Variants in ACLY observed in about 807,000 individuals in gnomAD.
ACLY encodes the protein ATP-citrate synthase.
A neutral mutation model predicts 133.0 loss-of-function variants in ACLY; 41 were observed. The observed-to-expected ratio is 0.31, with a 90% CI of 0.24 to 0.40. ACLY has a LOEUF of 0.40. Among genes scored for constraint, ACLY ranks in the 10% least tolerant of loss-of-function variants. ACLY has a pLI of 1.00. For missense variants in ACLY, 1,046 were observed against 1,453.8 expected, an observed-to-expected ratio of 0.72 and a Z score of 4.56; for synonymous variants, 495 against 549.3, an observed-to-expected ratio of 0.90 and a Z score of 1.38.
chr17:41,923,334 A>T (rs1273845967), upstream of ACLY, among the ~76,000 whole-genome samples: 2 of 152,228 alleles, frequency 1.3e-5, no homozygotes, highest in Non-Finnish European at 2.9e-5. Flanking sequence ...TGGGTTCCAG[A>T]AGCCTAAAAC....
rs781903389 is a variant in ACLY, at chr17:41,872,016, T to G, written c.2793+16A>C. The stretch of plus-strand genomic sequence containing the variant: ...CAGTGTCCCCACTGTTCACCTCCCA[T>G]GATGACAGTACTTACGATGGTGAGC... On this transcript the variant is annotated intron_variant, in intron 24 of 28. Coordinates refer to ENST00000352035, the MANE Select transcript of ACLY (RefSeq NM_001096.3). The G allele has an allele frequency of 6.2e-7, 1 of 1,613,714 alleles. No individual in the cohort carries two copies. Among genetic ancestry groups the G allele is most frequent in the South Asian group, 1.1e-5 (1 of 91,048 alleles).
chr17:41,897,233 C>T (rs373538886), intron 13 of ACLY, among the ~76,000 whole-genome samples: 2 of 151,996 alleles, frequency 1.3e-5, no homozygotes, highest in African/African-American at 2.4e-5. Flanking sequence ...CACATCTACA[C>T]GGAGAGAAAA....
At chr17:41,921,651 G>C (rs1467637877), upstream of ACLY, among the ~76,000 whole-genome samples, 1 of 151,898 alleles carries the variant, frequency 6.6e-6, no homozygotes, top group Non-Finnish European at 1.5e-5. Flanking sequence ...AATACAGTGA[G>C]TCTATGTCAC....
chr17:41,872,331 T>A, intron 23 of ACLY, 149 bp from the exon 24 acceptor site: 1 of 736,878 alleles, frequency 1.4e-6, no homozygotes, highest in Non-Finnish European at 2.2e-6. Flanking sequence ...CAAAACCTCC[T>A]GATTCTTTTC....
chr17:41,901,456 A>G (rs1435691531), intron 11 of ACLY, among the ~76,000 whole-genome samples: 2 of 152,156 alleles, frequency 1.3e-5, no homozygotes, highest in Non-Finnish European at 2.9e-5. Flanking sequence ...CCCAGCACAG[A>G]GCGAGTGATC....
intron 17 of ACLY, 98 bp from the exon 18 acceptor site, chr17:41,886,406 C>T: frequency 8.8e-6 from 11 of 1,245,958 alleles, no homozygotes; most frequent in Non-Finnish European, 1.2e-5. Context: ...CCCTTCTGGC[C>T]AGGCTGGGGA....
chr17:41,915,729 C>T (rs559763652), intron 1 of ACLY, among the ~76,000 whole-genome samples: 1 of 152,238 alleles, frequency 6.6e-6, no homozygotes, highest in Admixed American at 6.5e-5. Context: ...CCACCCCCCA[C>T]CCACTGCTCC....
At chr17:41,888,229 A>C (rs2049106398) in intron 16 of ACLY, among the ~76,000 whole-genome samples, 1 of 152,188 alleles carries the variant, frequency 6.6e-6, no homozygotes, top group African/African-American at 2.4e-5. Context: ...CTGAAAACAC[A>C]AGTGGTGGAT....
rs2049262659 is a variant in ACLY at position 41,893,145 on chromosome 17, T to C, written c.1489A>G (p.Thr497Ala). ...GKSTTLFSRH[T>A]KAIVWGMQTR... ...TGCATGCCCCACACAATGGCCTTGGTGTGGCGGCTGAAGAGGGTGGTGCTC... is the reference window on the plus strand; with the variant it reads ...TGCATGCCCCACACAATGGCCTTGGCGTGGCGGCTGAAGAGGGTGGTGCTC... Residue 497 changes from threonine to alanine, a missense_variant, in exon 15 of 29, where the codon ACC becomes GCC. Thr to Ala is a moderately conservative substitution (Grantham distance 58). Transcript: ENST00000352035. 6.2e-7 allele frequency: 1 copy of C among 1,613,628 alleles called. No individual in the cohort carries two copies.
chr17:41,916,844 A>G (rs1320151646), intron 1 of ACLY, among the ~76,000 whole-genome samples: 1 of 152,046 alleles, frequency 6.6e-6, no homozygotes, highest in Non-Finnish European at 1.5e-5. Flanking sequence ...CAGACTGACC[A>G]CCAGTTAAGA....
chr17:41,921,295 C>T (rs1324280220), upstream of ACLY, among the ~76,000 whole-genome samples: 1 of 151,722 alleles, frequency 6.6e-6, no homozygotes, highest in Non-Finnish European at 1.5e-5. Context: ...GAGACTCCGT[C>T]TCAAAACAAA....
chr17:41,881,716 C>A (rs1454391089), intron 20 of ACLY, among the ~76,000 whole-genome samples: 1 of 152,130 alleles, frequency 6.6e-6, no homozygotes, highest in Non-Finnish European at 1.5e-5. Context: ...CCTGCCTCAG[C>A]CTCCCGAGTA....
Position 41,886,195 on chromosome 17 carries a change from G to T in ACLY, c.1989C>A (p.Ser663=). The T allele has an allele frequency of 6.2e-7, 1 of 1,614,164 alleles. No homozygotes were observed. Among genetic ancestry groups the T allele is most frequent in the Non-Finnish European group, 8.5e-7 (1 of 1,180,030 alleles). The change falls in exon 18 of 29, where the codon TCC becomes TCA. Residue 663 remains serine, a synonymous_variant. Transcript: ENST00000352035. ...RPGSVAYVSR[S]GGMSNELNNI... Reference sequence around the variant, plus strand: ...TGTTGAGCTCGTTGGACATGCCTCCGGAACGTGAGACATAGGCCACGCTGC... The same window carrying T: ...TGTTGAGCTCGTTGGACATGCCTCCTGAACGTGAGACATAGGCCACGCTGC...
At chr17:41,919,151 C>CA, upstream of ACLY, 2 of 1,043,204 alleles carry the variant, frequency 1.9e-6, no homozygotes, top group Non-Finnish European at 2.4e-6. Context: ...CTTGTAGTCC[C>CA]GCTGGCCCAT....
chr17:41,872,275 AG>A, intron 23 of ACLY, 93 bp from the exon 24 acceptor site: 1 of 1,298,136 alleles, frequency 7.7e-7, no homozygotes, highest in South Asian at 1.3e-5. Context: ...AAATCCAAGA[AG>A]GGTAACTACC....
At chr17:41,906,363 A>C (rs919187780) in intron 8 of ACLY, among the ~76,000 whole-genome samples, 165 bp downstream of exon 8, 3 of 152,212 alleles carry the variant, frequency 2.0e-5, no homozygotes, top group Non-Finnish European at 2.9e-5. Context: ...CACTGGGTGC[A>C]GGACAGGCCC....
At chr17:41,888,146 A>AAACAG (rs2049104893) in intron 16 of ACLY, among the ~76,000 whole-genome samples, 2 of 151,952 alleles carry the variant, frequency 1.3e-5, no homozygotes, top group African/African-American at 4.8e-5. Flanking sequence ...AAACAAAACA[A>AAACAG]AACGAAAAAA....
At chr17:41,879,059 G>A (rs60043689) in intron 20 of ACLY, 135 bp from the exon 21 acceptor site, 7 of 1,087,840 alleles carry the variant, frequency 6.4e-6, no homozygotes, top group Non-Finnish European at 8.0e-6. Flanking sequence ...AGGTACAATA[G>A]ATGATTTCCA....
At chr17:41,912,354 G>A (rs566458782) in intron 3 of ACLY, 66 bp downstream of exon 3, 12 of 1,582,336 alleles carry the variant, frequency 7.6e-6, no homozygotes, top group East Asian at 2.3e-5. Flanking sequence ...CAGAGCTGCT[G>A]ACCTGGAGGT....
Sources: gnomAD v4.1 joint callset for allele counts (sites outside exome capture counted in the v4.1 genomes callset) on GRCh38, gnomAD v4.1.1 for gene constraint, MANE v1.5 for transcripts, NCBI Gene and HGNC (gene_info 2026-07-23, HGNC 2026-07-21) for gene names.